Variants in OR2L13 observed in about 807,000 individuals in gnomAD.
OR2L13 encodes the protein olfactory receptor 2L13.
Under a neutral mutation model 15.3 loss-of-function variants are expected in OR2L13, and 14 were observed. That is an observed-to-expected ratio of 0.91 (90% CI 0.60 to 1.43). The LOEUF (loss-of-function observed/expected upper bound fraction) is 1.43, where lower values mean the gene tolerates loss of function less well. OR2L13 is among the 40% of genes most tolerant of loss of function. OR2L13 has a pLI of 0.00. For synonymous variants in OR2L13, 152 were observed against 142.9 expected (o/e 1.06, Z -0.45); for missense variants, 367 against 387.9 (o/e 0.95, Z 0.45).
At chr1:248,010,363 G>A in the OR2L13 span, among the ~76,000 whole-genome samples, 1 of 152,206 alleles carries the variant, frequency 6.6e-6, no homozygotes, top group East Asian at 1.9e-4. Flanking sequence ...GTCAGTTTAA[G>A]AAGAAGTCAA....
At chr1:248,007,158 A>C in the OR2L13 span, among the ~76,000 whole-genome samples, 1 of 152,132 alleles carries the variant, frequency 6.6e-6, no homozygotes, top group African/African-American at 2.4e-5. Flanking sequence ...AAATCATTCC[A>C]TCTCTCTGAA....
chr1:247,967,042 A>ATAC, the OR2L13 span, among the ~76,000 whole-genome samples: 43 of 67,182 alleles, frequency 6.4e-4, no homozygotes, highest in South Asian at 0.019. Context: ...AACACACCAC[A>ATAC]CACCACACAC....
chr1:248,011,018 C>T, the OR2L13 span, among the ~76,000 whole-genome samples: 55 of 151,872 alleles, frequency 3.6e-4, 1 homozygote, highest in African/African-American at 1.2e-3. Context: ...TTACTTTGTC[C>T]GTTAGTTGAT....
the OR2L13 span, among the ~76,000 whole-genome samples, chr1:248,001,259 G>A: frequency 6.6e-6 from 1 of 152,048 alleles, no homozygotes; most frequent in Non-Finnish European, 1.5e-5. Context: ...AATGAATGCT[G>A]TGACGTTCCA....
the OR2L13 span, chr1:247,948,708 A>C: frequency 1.6e-6 from 1 of 622,368 alleles, no homozygotes; most frequent in East Asian, 2.8e-5. Flanking sequence ...ATGTATAGAC[A>C]AAAATAATAG....
the OR2L13 span, chr1:248,022,137 C>T: frequency 1.9e-6 from 3 of 1,613,942 alleles, no homozygotes; most frequent in Non-Finnish European, 2.5e-6. Context: ...CCTGCTTAGT[C>T]AGCTCTCCCT....
chr1:247,979,511 A>G, the OR2L13 span, among the ~76,000 whole-genome samples: 229 of 151,774 alleles, frequency 1.5e-3, 1 homozygote, highest in African/African-American at 4.7e-3. Context: ...TTATAGCTGT[A>G]TAGTATTTCA....
chr1:247,999,729 AGAC>A, the OR2L13 span, among the ~76,000 whole-genome samples: 1 of 152,112 alleles, frequency 6.6e-6, no homozygotes, highest in Non-Finnish European at 1.5e-5. Flanking sequence ...TTGACATTCT[AGAC>A]AAGTGCTGTC....
chr1:247,998,418 C>A, the OR2L13 span, among the ~76,000 whole-genome samples: 2 of 152,034 alleles, frequency 1.3e-5, no homozygotes, highest in Non-Finnish European at 2.9e-5. Flanking sequence ...TTTCCTCATT[C>A]CTACTTGGTT....
the OR2L13 span, chr1:248,083,694 C>A: frequency 8.1e-6 from 13 of 1,607,522 alleles, no homozygotes; most frequent in South Asian, 2.2e-5. Flanking sequence ...CCCCAGCCAC[C>A]GTTTCAGGGC....
chr1:248,022,261 C>T, the OR2L13 span: 1 of 1,614,044 alleles, frequency 6.2e-7, no homozygotes, highest in African/African-American at 1.3e-5. Context: ...TTCTTCATGA[C>T]TTTTGCAGGT....
At chr1:248,012,917 A>T in the OR2L13 span, among the ~76,000 whole-genome samples, 1 of 151,870 alleles carries the variant, frequency 6.6e-6, no homozygotes, top group African/African-American at 2.4e-5. Context: ...AAACCATGAA[A>T]AATTTGAGTA....
the OR2L13 span, among the ~76,000 whole-genome samples, chr1:248,001,173 A>G: frequency 1.3e-5 from 2 of 152,152 alleles, no homozygotes; most frequent in Non-Finnish European, 2.9e-5. Context: ...TCTGAATCTC[A>G]GTTTCATCAT....
chr1:248,025,682 A>C, the OR2L13 span, among the ~76,000 whole-genome samples: 1 of 148,478 alleles, frequency 6.7e-6, no homozygotes, highest in Non-Finnish European at 1.5e-5. Context: ...CACAATAGCA[A>C]AGACTTGGAA....
the OR2L13 span, among the ~76,000 whole-genome samples, chr1:247,968,674 G>T: frequency 0.073 from 11,152 of 152,030 alleles, 897 homozygotes; most frequent in African/African-American, 0.2. Flanking sequence ...GGACATGAAC[G>T]CATCCTTTTT....
chr1:248,017,596 G>A, the OR2L13 span, among the ~76,000 whole-genome samples: 4 of 152,276 alleles, frequency 2.6e-5, no homozygotes, highest in African/African-American at 7.2e-5. Flanking sequence ...TTCCCCTTTC[G>A]GGGCAGTAGG....
chr1:248,069,204 A>G, the OR2L13 span, among the ~76,000 whole-genome samples: 1 of 152,222 alleles, frequency 6.6e-6, no homozygotes, highest in African/African-American at 2.4e-5. Context: ...GAAGGAAAAA[A>G]TGTTAAGGGC....
the OR2L13 span, among the ~76,000 whole-genome samples, chr1:248,004,611 G>A: frequency 3.9e-5 from 6 of 152,008 alleles, no homozygotes; most frequent in East Asian, 3.9e-4. Flanking sequence ...CTGATACCAC[G>A]CTGGATGGCC....
chr1:248,041,830 G>A, the OR2L13 span: 8 of 152,332 alleles, frequency 5.3e-5, no homozygotes, highest in East Asian at 1.4e-3. Context: ...ACACCAGTTA[G>A]AATGGCAATC....
Sources: allele counts gnomAD v4.1 joint callset (sites outside exome capture counted in the v4.1 genomes callset), GRCh38; gene constraint gnomAD v4.1.1; transcripts MANE v1.5; gene names NCBI Gene and HGNC (gene_info 2026-07-23, HGNC 2026-07-21).